IMMP2L: variants seen among roughly 807,000 people sequenced by gnomAD.
IMMP2L encodes the protein inner mitochondrial membrane peptidase subunit 2, also known as mitochondrial inner membrane protease subunit 2.
IMMP2L carries 18 observed loss-of-function variants against 19.3 expected under a neutral mutation model. That is an observed-to-expected ratio of 0.93 (90% CI 0.64 to 1.38). IMMP2L has a LOEUF of 1.38. Among genes scored for constraint, IMMP2L ranks in the 40% most tolerant of loss-of-function variants. The pLI is 0.00. For missense variants in IMMP2L, 233 were observed against 218.2 expected, an observed-to-expected ratio of 1.07 and a Z score of -0.43; for synonymous variants, 76 against 73.0, an observed-to-expected ratio of 1.04 and a Z score of -0.21.
Position 110,979,164 on chromosome 7 carries a change from G to A in IMMP2L, c.240-15599C>T, listed in dbSNP as rs559288454. On this transcript the variant is annotated intron_variant, in intron 3 of 5. Transcript: ENST00000405709. ...TACATATAACTTTTCTGGAGTATAT[G>A]TACAACATGAATATCCACATGAATT... is the stretch of plus-strand genomic sequence containing the variant. Among the ~76,000 whole-genome samples, 38 of 152,146 alleles carry A rather than the reference G, an allele frequency of 2.5e-4. No individual in the cohort carries two copies. The South Asian group carries it at 7.5e-3, about 30-fold the overall frequency.
At chr7:111,383,752 C>G (rs1055508060) in intron 3 of IMMP2L, among the ~76,000 whole-genome samples, 2 of 152,070 alleles carry the variant, frequency 1.3e-5, no homozygotes, top group African/African-American at 4.8e-5. Flanking sequence ...AAAATGTGCA[C>G]TAAGTTTTTC....
intron 3 of IMMP2L, among the ~76,000 whole-genome samples, chr7:111,065,175 C>A (rs1794377902): frequency 6.6e-6 from 1 of 152,320 alleles, no homozygotes; most frequent in East Asian, 1.9e-4. Flanking sequence ...TGCATGTATA[C>A]ACTTGTAATA....
chr7:111,532,042 T>C (rs1847441032), intron 1 of IMMP2L, among the ~76,000 whole-genome samples: 1 of 151,424 alleles, frequency 6.6e-6, no homozygotes, highest in Non-Finnish European at 1.5e-5. Flanking sequence ...CTTTCAAAAA[T>C]CAAAACTTAG....
rs140855411 is a variant in IMMP2L at position 110,836,601 on chromosome 7, A to G, written c.408+49992T>C. Among the ~76,000 whole-genome samples the G allele has an allele frequency of 4.5e-3, 680 of 152,196 alleles. 3 individuals carry two copies. The highest frequency in any genetic ancestry group is 0.015 in the African/African-American group (641 of 41,552). The stretch of plus-strand genomic sequence containing the variant: ...AGCCCAATAAACCTCTTTCTTTTGT[A>G]AATTGCCAGTCTTGGGTATGTCTTT... On this transcript the variant is annotated intron_variant, in intron 5 of 5. Transcript: ENST00000405709.
At chr7:111,348,201 T>C (rs1308701769) in intron 3 of IMMP2L, among the ~76,000 whole-genome samples, 1 of 150,228 alleles carries the variant, frequency 6.7e-6, no homozygotes, top group African/African-American at 2.4e-5. Context: ...GATGAGTTGA[T>C]GGGTGCAGCA....
chr7:111,400,708 C>T (rs1183654195), intron 3 of IMMP2L, among the ~76,000 whole-genome samples: 1 of 151,990 alleles, frequency 6.6e-6, no homozygotes, highest in Non-Finnish European at 1.5e-5. Flanking sequence ...ATGTGAAATG[C>T]TTAGGTGTGA....
intron 5 of IMMP2L, chr7:110,664,986 G>A (rs1358517652): frequency 3.9e-5 from 6 of 152,102 alleles, no homozygotes; most frequent in Admixed American, 2.0e-4. Context: ...CTAGGGACTC[G>A]AAGACGGAAC....
chr7:111,025,612 AC>A (rs1456281846), intron 3 of IMMP2L, among the ~76,000 whole-genome samples: 2 of 152,134 alleles, frequency 1.3e-5, no homozygotes, highest in African/African-American at 4.8e-5. Flanking sequence ...TTTTCATTCC[AC>A]CATGTAACCT....
intron 3 of IMMP2L, among the ~76,000 whole-genome samples, chr7:111,116,153 A>G (rs1388800719): frequency 3.9e-5 from 6 of 152,204 alleles, no homozygotes; most frequent in Non-Finnish European, 8.8e-5. Context: ...AGAGAACTTT[A>G]TTACAAGGCC....
At chr7:111,441,720 T>C (rs1585111509) in intron 3 of IMMP2L, among the ~76,000 whole-genome samples, 1 of 138,246 alleles carries the variant, frequency 7.2e-6, no homozygotes, top group South Asian at 2.4e-4. Flanking sequence ...TTCAACTTGT[T>C]AAAAAAAAAA....
chr7:111,186,778 T>TA (rs1562900901), intron 3 of IMMP2L, among the ~76,000 whole-genome samples: 1 of 152,016 alleles, frequency 6.6e-6, no homozygotes, highest in Non-Finnish European at 1.5e-5. Context: ...AATTTCAGTA[T>TA]AAAATCTAAG....
chr7:110,879,319 C>T (rs892716245), intron 5 of IMMP2L, among the ~76,000 whole-genome samples: 22 of 151,014 alleles, frequency 1.5e-4, no homozygotes, highest in Middle Eastern at 3.4e-3. Context: ...ACCCAGGAGG[C>T]GGAGGTTGCA....
chr7:110,776,286 G>A (rs1540855), intron 5 of IMMP2L, among the ~76,000 whole-genome samples: 48,899 of 151,814 alleles, frequency 0.32, 9,711 homozygotes, highest in East Asian at 0.68. Context: ...GAGTTAATTC[G>A]CGTAAGTAAT....
chr7:110,951,836 T>G (rs1817866321), intron 4 of IMMP2L, among the ~76,000 whole-genome samples: 1 of 152,104 alleles, frequency 6.6e-6, no homozygotes, highest in Admixed American at 6.6e-5. Flanking sequence ...CATCCATAAC[T>G]AATTAAATCA....
rs1683225023 is a variant in IMMP2L at position 110,728,808 on chromosome 7, C to G, written c.409-65087G>C. 6.6e-6 allele frequency among the ~76,000 whole-genome samples: 1 copy of G among 152,168 alleles called. No individual in the cohort carries two copies. The highest frequency in any genetic ancestry group is 1.5e-5 in the Non-Finnish European group (1 of 68,026). ...ATTCGTGAGGTGGCTACAATCATTA[C>G]CCCCATTAAATGATGAAAAACTAGG... On this transcript the variant is annotated intron_variant, in intron 5 of 5. Coordinates refer to ENST00000405709, the MANE Select transcript of IMMP2L (RefSeq NM_032549.4). This position sits in a 1 kb window ranked among gnomAD's most constrained non-coding sequence, Gnocchi z 4.6.
chr7:111,166,313 T>C (rs1221038574), intron 3 of IMMP2L, among the ~76,000 whole-genome samples: 1 of 152,046 alleles, frequency 6.6e-6, no homozygotes, highest in African/African-American at 2.4e-5. Flanking sequence ...TCTATGAAGT[T>C]CTTATCCAGA....
At chr7:111,048,650 A>G (rs1792685850) in intron 3 of IMMP2L, among the ~76,000 whole-genome samples, 1 of 152,358 alleles carries the variant, frequency 6.6e-6, no homozygotes, top group South Asian at 2.1e-4. Flanking sequence ...ATAACATTTT[A>G]AAATATATAC....
chr7:110,952,023 C>T (rs1243308452), intron 4 of IMMP2L, among the ~76,000 whole-genome samples: 3 of 152,208 alleles, frequency 2.0e-5, no homozygotes, highest in Admixed American at 6.6e-5. Context: ...TTCTGACATG[C>T]TTCTGAAGCT....
At chr7:110,937,486 C>T (rs990628048) in intron 4 of IMMP2L, among the ~76,000 whole-genome samples, 7 of 152,078 alleles carry the variant, frequency 4.6e-5, no homozygotes, top group African/African-American at 9.7e-5. Context: ...CAAGCTTAGG[C>T]GGGATTCACA....
Sources: allele counts gnomAD v4.1 joint callset (sites outside exome capture counted in the v4.1 genomes callset), GRCh38; gene constraint gnomAD v4.1.1; non-coding constraint Gnocchi (gnomAD v3.1); transcripts MANE v1.5; gene names NCBI Gene and HGNC (gene_info 2026-07-23, HGNC 2026-07-21).